The following SIT1 variants were observed in gnomAD, a reference collection of about 807,000 sequenced individuals.
SIT1 encodes the protein signaling threshold regulating transmembrane adaptor 1, also known as signaling threshold-regulating transmembrane adapter 1.
SIT1 carries 19 observed loss-of-function variants against 23.5 expected under a neutral mutation model. The observed-to-expected ratio is 0.81, with a 90% CI of 0.56 to 1.19. SIT1 has a LOEUF of 1.19. Among genes scored for constraint, SIT1 ranks in the 50% most tolerant of loss-of-function variants. The pLI, the probability that SIT1 is intolerant of heterozygous loss-of-function variation, is 0.00. For synonymous variants in SIT1, 114 were observed against 109.1 expected (o/e 1.04, Z -0.28); for missense variants, 213 against 254.9 (o/e 0.84, Z 1.12).
In SIT1 at chr9:35,650,565, G is replaced by A. The variant is rs762904612; in HGVS notation, c.173C>T (p.Ser58Leu). ...CCACTGGGACAAGTGTGCAGCCAGC[G>A]AGATGAGAAATAGCAGCGTCACAGC... Reference protein sequence around the residue: ...LGAVTLLFLISLAAHLSQWTR... With the variant: ...LGAVTLLFLILLAAHLSQWTR... The change falls in exon 2 of 5, where the codon TCG (serine) becomes TTG (leucine). Residue 58 changes from serine (S) to leucine (L), a missense_variant. Ser to Leu is a moderately radical substitution (Grantham distance 145). Transcript: ENST00000259608. The surrounding 1 kb of genome is among the most constrained non-coding windows in gnomAD (Gnocchi z 4.8). 1.6e-5 allele frequency: 26 copies of A among 1,613,784 alleles called. No homozygotes were observed. The highest frequency in any genetic ancestry group is 2.1e-5 in the Non-Finnish European group (25 of 1,180,032).
chr9:35,649,735 A>G lies in SIT1; in HGVS notation c.*113T>C. The G allele has an allele frequency of 1.3e-6, 1 of 758,216 alleles. No homozygotes were observed. Among genetic ancestry groups the G allele is most frequent in the South Asian group, 2.0e-5 (1 of 49,444 alleles). The allele number at this position is 758,216 out of a possible 1,614,324, so 47.0% of individuals were successfully genotyped here. ...TCAGATAGGAAGTCCGGGGTAGATC[A>G]CATCCTGTGACTTGGCAATGGCGCC... On this transcript the variant is annotated 3_prime_UTR_variant, in exon 5 of 5. Transcript: ENST00000259608.
In SIT1 at chr9:35,650,802, A is replaced by G. The variant is rs1823463240; in HGVS notation, c.52T>C (p.Ser18Pro). Residue 18 changes from serine (S) to proline (P), a missense_variant, in exon 1 of 5, where the codon TCT (serine) becomes CCT (proline). Coordinates refer to ENST00000259608, the MANE Select transcript of SIT1 (RefSeq NM_014450.3). This position sits in a 1 kb window ranked among gnomAD's most constrained non-coding sequence, Gnocchi z 4.8. ...LRAVCLWTLT[S>P]AAMSRGDNCT... Reference sequence around the variant, plus strand: ...TTGTCGCCTCTGCTCATGGCTGCAGATGTGAGAGTCCACAAGCACACTGCT... The same window carrying G: ...TTGTCGCCTCTGCTCATGGCTGCAGGTGTGAGAGTCCACAAGCACACTGCT... 6.2e-7 allele frequency: 1 copy of G among 1,613,622 alleles called. No individual in the cohort carries two copies.
In SIT1 at chr9:35,650,678, C is replaced by T. The variant is rs753516256; in HGVS notation, c.101-41G>A. 6.2e-7 allele frequency: 1 copy of T among 1,612,150 alleles called. No individual in the cohort carries two copies. The highest frequency in any genetic ancestry group is 1.3e-5 in the African/African-American group (1 of 74,854). Reference sequence around the variant, plus strand: ...GAAGGGGGGTGTAACAGCCCCGCCCCACCCCCAGGGCCCAGCAGGTGGGAC... The same window carrying T: ...GAAGGGGGGTGTAACAGCCCCGCCCTACCCCCAGGGCCCAGCAGGTGGGAC... On this transcript the variant is annotated intron_variant, in intron 1 of 4. Coordinates refer to ENST00000259608, the MANE Select transcript of SIT1 (RefSeq NM_014450.3). The surrounding 1 kb of genome is among the most constrained non-coding windows in gnomAD (Gnocchi z 4.8).
At position 35,650,334 on chromosome 9, in the gene SIT1, C is replaced by G. The variant is rs201886800; in HGVS notation, c.295+23G>C. 2.7e-3 allele frequency: 4,329 copies of G among 1,613,890 alleles called. 11 individuals are homozygous for G. The highest frequency in any genetic ancestry group is 2.9e-3 in the Non-Finnish European group (3,371 of 1,179,818). On this transcript the variant is annotated intron_variant, in intron 3 of 4. Transcript: ENST00000259608. This position sits in a 1 kb window ranked among gnomAD's most constrained non-coding sequence, Gnocchi z 4.8. ...CCACCCAGGACCTGGCCTCTGTGCC[C>G]CTCCTCTCTGCCAGCTCCCTACCTG...
chr9:35,649,967 T>C lies in SIT1; in HGVS notation c.472A>G (p.Lys158Glu). Residue 158 changes from lysine to glutamate, a missense_variant, in exon 5 of 5, where the codon AAG (lysine) becomes GAG (glutamate). Coordinates refer to ENST00000259608, the MANE Select transcript of SIT1 (RefSeq NM_014450.3). ...YSEVVLDSEP[K>E]SQASGPEPEL... ...GGCTCGGGGCCCGAGGCCTGGGACT[T>C]TGGCTCAGAGTCCAGCACCACCTCC... 1 of 1,584,464 alleles carries C rather than the reference T, an allele frequency of 6.3e-7. No homozygotes were observed. The highest frequency in any genetic ancestry group is 8.6e-7 in the Non-Finnish European group (1 of 1,164,964).
chr9:35,649,495 C>T lies in SIT1; in HGVS notation c.*353G>A, dbSNP rs1439899363. ...TGTCAGGCCCTTACCCCTCCCCCAC[C>T]GCCCACTTCCTGTGCCTGAGGAGAC... is the stretch of plus-strand genomic sequence containing the variant. On this transcript the variant is annotated 3_prime_UTR_variant, in exon 5 of 5. Coordinates refer to ENST00000259608, the MANE Select transcript of SIT1 (RefSeq NM_014450.3). The T allele has an allele frequency of 1.5e-5, 3 of 203,782 alleles. No homozygotes were observed. Among genetic ancestry groups the T allele is most frequent in the Non-Finnish European group, 2.0e-5 (2 of 101,860 alleles). The allele number at this position is 203,782 out of a possible 1,614,324, so 12.6% of individuals were successfully genotyped here.
Position 35,650,032 on chromosome 9 carries a change from T to C in SIT1, c.407A>G (p.Gln136Arg). ...CYTSLQLRPPQGRIPGPGTPV... is the reference protein window; with the variant it reads ...CYTSLQLRPPRGRIPGPGTPV... ...GGTTCCAGGACCGGGGATCCGACCCTGAGGAGGCCGCAGCTGCAGGCTGGT... is the reference window on the plus strand; with the variant it reads ...GGTTCCAGGACCGGGGATCCGACCCCGAGGAGGCCGCAGCTGCAGGCTGGT... The change falls in exon 5 of 5, where the codon CAG becomes CGG. Residue 136 changes from glutamine to arginine, a missense_variant. By Grantham distance (43) the Gln-to-Arg change is conservative. Transcript: ENST00000259608. The surrounding 1 kb of genome is among the most constrained non-coding windows in gnomAD (Gnocchi z 4.8). The C allele has an allele frequency of 6.3e-7, 1 of 1,588,640 alleles. No individual in the cohort carries two copies. Among genetic ancestry groups the C allele is most frequent in the Non-Finnish European group, 8.6e-7 (1 of 1,166,850 alleles).
Position 35,649,742 on chromosome 9 carries a change from G to A in SIT1, c.*106C>T, listed in dbSNP as rs1216823676. The A allele has an allele frequency of 3.7e-6, 3 of 817,594 alleles. No homozygotes were observed. The highest frequency in any genetic ancestry group is 5.9e-5 in the Admixed American group (2 of 33,850). 50.6% of individuals were successfully genotyped at this position (817,594 alleles called of 1,614,324 possible). On this transcript the variant is annotated 3_prime_UTR_variant, in exon 5 of 5. Coordinates refer to ENST00000259608, the MANE Select transcript of SIT1 (RefSeq NM_014450.3). The stretch of plus-strand genomic sequence containing the variant: ...GGAAGTCCGGGGTAGATCACATCCT[G>A]TGACTTGGCAATGGCGCCCGTCTTT...
At position 35,649,930 on chromosome 9, in the gene SIT1, G is replaced by T; in HGVS notation, c.509C>A (p.Ala170Asp). 6.3e-7 allele frequency: 1 copy of T among 1,586,590 alleles called. No homozygotes were observed. Among genetic ancestry groups the T allele is most frequent in the Non-Finnish European group, 8.6e-7 (1 of 1,166,862 alleles). ...CCTGCGGGTCTGGGCACATACTGAG[G>T]CATAGAGCTCCGGCTCGGGGCCCGA... The part of the protein sequence containing the change: ...QASGPEPELY[A>D]SVCAQTRRAR... Residue 170 changes from alanine to aspartate, a missense_variant, in exon 5 of 5, where the codon GCC (alanine) becomes GAC (aspartate). Coordinates refer to ENST00000259608, the MANE Select transcript of SIT1 (RefSeq NM_014450.3).
Position 35,649,529 on chromosome 9 carries a change from G to C in SIT1, c.*319C>G, listed in dbSNP as rs546222975. On this transcript the variant is annotated 3_prime_UTR_variant, in exon 5 of 5. Coordinates refer to ENST00000259608, the MANE Select transcript of SIT1 (RefSeq NM_014450.3). ...CCTGTGCCTGAGGAGACACTGAGGC[G>C]TGGGGGTAGACTATGAGGGAGCGGG... 1 of 240,250 alleles carries C rather than the reference G, an allele frequency of 4.2e-6. No homozygotes were observed. Among genetic ancestry groups the C allele is most frequent in the East Asian group, 8.2e-5 (1 of 12,252 alleles). 14.9% of individuals were successfully genotyped at this position (240,250 alleles called of 1,614,324 possible).
rs755900899 is a variant in SIT1 at position 35,649,551 on chromosome 9, C to T, written c.*297G>A. 25 of 294,888 alleles carry T rather than the reference C, an allele frequency of 8.5e-5. No individual in the cohort carries two copies. Among genetic ancestry groups the T allele is most frequent in the Admixed American group, 3.0e-4 (6 of 20,232 alleles). The allele number at this position is 294,888 out of a possible 1,614,324, so 18.3% of individuals were successfully genotyped here. A position where few individuals can be genotyped will look rare whatever the true frequency, so the allele number is the denominator to read the frequency against. On this transcript the variant is annotated 3_prime_UTR_variant, in exon 5 of 5. Coordinates refer to ENST00000259608, the MANE Select transcript of SIT1 (RefSeq NM_014450.3). ...GGCGTGGGGGTAGACTATGAGGGAGCGGGGGTGGGGAGGATCTGGTTAAAC... is the reference window on the plus strand; with the variant it reads ...GGCGTGGGGGTAGACTATGAGGGAGTGGGGGTGGGGAGGATCTGGTTAAAC...
Position 35,650,588 on chromosome 9 carries a change from A to G in SIT1, c.150T>C (p.Ala50=). 1.2e-6 allele frequency: 2 copies of G among 1,613,786 alleles called. No individual in the cohort carries two copies. The highest frequency in any genetic ancestry group is 1.7e-6 in the Non-Finnish European group (2 of 1,180,008). The change falls in exon 2 of 5, where the codon GCT becomes GCC. Residue 50 remains alanine, a synonymous_variant. Coordinates refer to ENST00000259608, the MANE Select transcript of SIT1 (RefSeq NM_014450.3). This position sits in a 1 kb window ranked among gnomAD's most constrained non-coding sequence, Gnocchi z 4.8. ...GCGAGATGAGAAATAGCAGCGTCACAGCCCCTAAGAGGACCCACAGTCCCC... is the reference window on the plus strand; with the variant it reads ...GCGAGATGAGAAATAGCAGCGTCACGGCCCCTAAGAGGACCCACAGTCCCC... ...QAWGLWVLLG[A]VTLLFLISLA... is the part of the protein sequence containing the mutation.
rs138376414 is a variant in SIT1, at chr9:35,650,004, G to A, written c.435C>T (p.Pro145=). Residue 145 remains proline (P), a synonymous_variant, in exon 5 of 5, where the codon CCC becomes CCT. Transcript: ENST00000259608. The surrounding 1 kb of genome is among the most constrained non-coding windows in gnomAD (Gnocchi z 4.8). ...PQGRIPGPGT[P]VKYSEVVLDS... is the part of the protein sequence containing the mutation. The stretch of plus-strand genomic sequence containing the variant: ...CCAGCACCACCTCCGAGTACTTGAC[G>A]GGGGTTCCAGGACCGGGGATCCGAC... 1.2e-4 allele frequency: 186 copies of A among 1,585,174 alleles called. No individual in the cohort carries two copies. The highest frequency in any genetic ancestry group is 2.5e-4 in the East Asian group (11 of 43,614).
rs748779559 is a variant in SIT1, at chr9:35,650,183, C to G, written c.357+1G>C. ...CTTTTCTCCAGCCACAGTTGACTCA[C>G]CCTGGCAGGGCCTCCAAGAGTTGGA... On this transcript the variant is annotated splice_donor_variant, in intron 4 of 4. Transcript: ENST00000259608. LOFTEE classifies it high-confidence loss of function. The surrounding 1 kb of genome is among the most constrained non-coding windows in gnomAD (Gnocchi z 4.8). The G allele has an allele frequency of 3.1e-6, 5 of 1,613,948 alleles. No individual in the cohort carries two copies. Among genetic ancestry groups the G allele is most frequent in the South Asian group, 1.1e-5 (1 of 91,080 alleles).
rs184128728 is a variant in SIT1 at position 35,650,107 on chromosome 9, T to C, written c.358-26A>G. 1 of 1,612,306 alleles carries C rather than the reference T, an allele frequency of 6.2e-7. No individual in the cohort carries two copies. Among genetic ancestry groups the C allele is most frequent in the Admixed American group, 1.7e-5 (1 of 59,916 alleles). Reference sequence around the variant, plus strand: ...CTGGAGATGCAAGGCTGTTAGAAGTTCACTGGACCCTCGGAAAAGCCCGAA... The same window carrying C: ...CTGGAGATGCAAGGCTGTTAGAAGTCCACTGGACCCTCGGAAAAGCCCGAA... On this transcript the variant is annotated intron_variant, in intron 4 of 4. Transcript: ENST00000259608. This position sits in a 1 kb window ranked among gnomAD's most constrained non-coding sequence, Gnocchi z 4.8.
chr9:35,650,199 A>G lies in SIT1; in HGVS notation c.342T>C (p.Leu114=), dbSNP rs773959514. 1.4e-5 allele frequency: 22 copies of G among 1,613,390 alleles called. No individual in the cohort carries two copies. The highest frequency in any genetic ancestry group is 4.0e-5 in the African/African-American group (3 of 74,676). ...DPEPDQQDPT[L]GGPARAAEEV... ...GTTGACTCACCCTGGCAGGGCCTCCAAGAGTTGGATCCTGCTGGTCTGGCT... is the reference window on the plus strand; with the variant it reads ...GTTGACTCACCCTGGCAGGGCCTCCGAGAGTTGGATCCTGCTGGTCTGGCT... Residue 114 remains leucine, a synonymous_variant, in exon 4 of 5, where the codon CTT becomes CTC. Transcript: ENST00000259608. This position sits in a 1 kb window ranked among gnomAD's most constrained non-coding sequence, Gnocchi z 4.8.
In SIT1 at chr9:35,650,201, G is replaced by C. The variant is rs1436934391; in HGVS notation, c.340C>G (p.Leu114Val). 1.9e-6 allele frequency: 3 copies of C among 1,614,028 alleles called. No individual in the cohort carries two copies. Among genetic ancestry groups the C allele is most frequent in the East Asian group, 2.2e-5 (1 of 44,872 alleles). ...TGACTCACCCTGGCAGGGCCTCCAA[G>C]AGTTGGATCCTGCTGGTCTGGCTCT... ...DPEPDQQDPT[L>V]GGPARAAEEV... Residue 114 changes from leucine to valine, a missense_variant, in exon 4 of 5, where the codon CTT (leucine) becomes GTT (valine). By Grantham distance (32) the Leu-to-Val change is conservative (BLOSUM62 1). Transcript: ENST00000259608. This position sits in a 1 kb window ranked among gnomAD's most constrained non-coding sequence, Gnocchi z 4.8.
rs1237622148 is a variant in SIT1, at chr9:35,650,870, C to T, written c.-17G>A. 13 of 1,584,598 alleles carry T rather than the reference C, an allele frequency of 8.2e-6. No homozygotes were observed. The highest frequency in any genetic ancestry group is 1.1e-5 in the Non-Finnish European group (13 of 1,162,560). On this transcript the variant is annotated 5_prime_UTR_variant, in exon 1 of 5. The change creates a new upstream start codon in the 5' untranslated region. Transcript: ENST00000259608. The surrounding 1 kb of genome is among the most constrained non-coding windows in gnomAD (Gnocchi z 4.8). Reference sequence around the variant, plus strand: ...CTGGTTCATGGCCTGACGGTTTCCACAGCACTTCTTACTCCCATCCCTCCT... The same window carrying T: ...CTGGTTCATGGCCTGACGGTTTCCATAGCACTTCTTACTCCCATCCCTCCT...
At position 35,650,871 on chromosome 9, in the gene SIT1, A is replaced by G; in HGVS notation, c.-18T>C. ...TGGTTCATGGCCTGACGGTTTCCAC[A>G]GCACTTCTTACTCCCATCCCTCCTC... On this transcript the variant is annotated 5_prime_UTR_variant, in exon 1 of 5. Transcript: ENST00000259608. This position sits in a 1 kb window ranked among gnomAD's most constrained non-coding sequence, Gnocchi z 4.8. The G allele has an allele frequency of 6.3e-7, 1 of 1,579,892 alleles. No homozygotes were observed. Among genetic ancestry groups the G allele is most frequent in the Non-Finnish European group, 8.6e-7 (1 of 1,159,208 alleles).
Sources: allele counts gnomAD v4.1 joint callset, GRCh38; gene constraint gnomAD v4.1.1; non-coding constraint Gnocchi (gnomAD v3.1); transcripts MANE v1.5; gene names NCBI Gene and HGNC (gene_info 2026-07-23, HGNC 2026-07-21).